Variants in TYW1B observed in about 807,000 individuals in gnomAD.
The protein encoded by TYW1B is tRNA-yW synthesizing protein 1 homolog B.
Under a neutral mutation model 86.9 loss-of-function variants are expected in TYW1B, and 73 were observed. The observed-to-expected ratio is 0.84, with a 90% CI of 0.70 to 1.02. The LOEUF is 1.02. Among genes scored for constraint, TYW1B ranks in the 50% least tolerant of loss-of-function variants. TYW1B has a pLI of 0.00. For missense variants in TYW1B, 637 were observed against 827.4 expected, an observed-to-expected ratio of 0.77 and a Z score of 2.82; for synonymous variants, 248 against 292.8, an observed-to-expected ratio of 0.85 and a Z score of 1.56.
rs544129182 is a variant in TYW1B at position 72,746,925 on chromosome 7, G to A, written c.965-2324C>T. Among the ~76,000 whole-genome samples the A allele has an allele frequency of 2.1e-3, 316 of 152,296 alleles. 20 individuals are homozygous for A. In the South Asian group the frequency reaches 0.063, roughly 30 times the overall value. On this transcript the variant is annotated intron_variant, in intron 7 of 13. Coordinates refer to ENST00000620995, the MANE Select transcript of TYW1B (RefSeq NM_001145440.3). ...GTTTTAAAAAATGATGTCTCCAAAT[G>A]TTTAAGTCTGTGATCCATTTTGAAT... is the stretch of plus-strand genomic sequence containing the variant.
chr7:72,775,902 TAATTA>T lies in TYW1B; in HGVS notation c.964+1509_964+1513del, dbSNP rs1462678040. On this transcript the variant is annotated intron_variant, in intron 7 of 13. Coordinates refer to ENST00000620995, the MANE Select transcript of TYW1B (RefSeq NM_001145440.3). ...TCTAAGTATATAAATCTTTAGTACA[TAATTA>T]AATAGATGTTTTGATTGAGTTAGAT... Among the ~76,000 whole-genome samples the T allele has an allele frequency of 3.9e-5, 6 of 152,162 alleles. 1 individual carries two copies. The East Asian group carries it at 1.2e-3, about 29-fold the overall frequency.
chr7:72,695,461 C>T (rs183110057), intron 10 of TYW1B, among the ~76,000 whole-genome samples: 2 of 152,276 alleles, frequency 1.3e-5, no homozygotes, highest in African/African-American at 4.8e-5. Context: ...AAAATGAATT[C>T]TTATTTTCCT....
chr7:72,773,240 C>T (rs1787897242), intron 7 of TYW1B, among the ~76,000 whole-genome samples: 1 of 152,122 alleles, frequency 6.6e-6, no homozygotes, highest in Non-Finnish European at 1.5e-5. Flanking sequence ...AAATATAAGC[C>T]AACAGTGTAC....
chr7:72,619,412 C>A (rs1441907609), intron 12 of TYW1B, among the ~76,000 whole-genome samples: 1 of 151,874 alleles, frequency 6.6e-6, no homozygotes, highest in Non-Finnish European at 1.5e-5. Flanking sequence ...GAGGCCGAGG[C>A]GGGTGGATCA....
rs190208067 is a variant in TYW1B, at chr7:72,574,835, G to A, written c.*663C>T. The A allele has an allele frequency of 7.2e-5, 71 of 985,422 alleles. No homozygotes were observed. In the East Asian group the frequency reaches 4.4e-3, roughly 61 times the overall value. 61.0% of individuals were successfully genotyped at this position (985,422 alleles called of 1,614,324 possible). ...CTCTTACAGCAGACAGCTTCACTCCGCTCCAGCCCCGGTACTGCGGTCTGT... is the reference window on the plus strand; with the variant it reads ...CTCTTACAGCAGACAGCTTCACTCCACTCCAGCCCCGGTACTGCGGTCTGT... On this transcript the variant is annotated 3_prime_UTR_variant, in exon 14 of 14. Coordinates refer to ENST00000620995, the MANE Select transcript of TYW1B (RefSeq NM_001145440.3).
intron 9 of TYW1B, 136 bp downstream of exon 9, chr7:72,728,686 T>G: frequency 1.2e-6 from 1 of 835,886 alleles, no homozygotes; most frequent in Non-Finnish European, 1.8e-6. Flanking sequence ...TATATAATAT[T>G]CCTACGAAGT....
chr7:72,793,858 T>C (rs1554474017), intron 6 of TYW1B, among the ~76,000 whole-genome samples: 2 of 151,874 alleles, frequency 1.3e-5, no homozygotes, highest in African/African-American at 4.8e-5. Context: ...AGAATGTTGG[T>C]AAGGTACTTT....
intron 12 of TYW1B, among the ~76,000 whole-genome samples, chr7:72,619,469 G>A (rs1351702333): frequency 6.6e-6 from 1 of 151,384 alleles, no homozygotes. Flanking sequence ...GTGAAACCCC[G>A]TCTCTACTAA....
chr7:72,615,855 C>T (rs1812059592), intron 13 of TYW1B, among the ~76,000 whole-genome samples: 1 of 151,702 alleles, frequency 6.6e-6, no homozygotes, highest in African/African-American at 2.4e-5. Flanking sequence ...TGAAGCAAGA[C>T]TTAGTGAACT....
intron 2 of TYW1B, among the ~76,000 whole-genome samples, chr7:72,820,389 C>T (rs1788806550): frequency 1.3e-5 from 2 of 152,154 alleles, no homozygotes; most frequent in Admixed American, 1.3e-4. Context: ...GAATTTATTA[C>T]AACCAGACCT....
intron 13 of TYW1B, among the ~76,000 whole-genome samples, chr7:72,591,017 A>C (rs1188463171): frequency 6.6e-6 from 1 of 152,226 alleles, no homozygotes; most frequent in East Asian, 1.9e-4. Flanking sequence ...AACCAAAAAG[A>C]AATTCTGGAA....
chr7:72,700,155 C>CTTTTTTTT lies in TYW1B; in HGVS notation c.1371-5341_1371-5334dup, dbSNP rs587689485. Among the ~76,000 whole-genome samples, 29 of 74,252 alleles carry CTTTTTTTT rather than the reference C, an allele frequency of 3.9e-4. 1 individual carries two copies. Among genetic ancestry groups the CTTTTTTTT allele is most frequent in the East Asian group, 1.3e-3 (2 of 1,586 alleles). The allele number at this position is 74,252 out of a possible 152,430, so 48.7% of individuals were successfully genotyped here. A position where few individuals can be genotyped will look rare whatever the true frequency, so the allele number is the denominator to read the frequency against. On this transcript the variant is annotated intron_variant, in intron 10 of 13. Coordinates refer to ENST00000620995, the MANE Select transcript of TYW1B (RefSeq NM_001145440.3). ...TATCAATACATAAAGAGCTTTTACA[C>CTTTTTTTT]TTTTTTTTTTTTTTTTTTTTTTTTT...
chr7:72,755,185 AGGCAGGT>A (rs1787565061), intron 7 of TYW1B, among the ~76,000 whole-genome samples: 1 of 152,228 alleles, frequency 6.6e-6, no homozygotes. Context: ...AGAGAGGCCA[AGGCAGGT>A]GGATCACTTG....
chr7:72,745,204 TG>T (rs1277305715), intron 7 of TYW1B, among the ~76,000 whole-genome samples: 1 of 152,050 alleles, frequency 6.6e-6, no homozygotes, highest in Non-Finnish European at 1.5e-5. Context: ...TTTAATTTTT[TG>T]TAGAGATGAG....
intron 11 of TYW1B, among the ~76,000 whole-genome samples, chr7:72,657,874 T>C (rs1215661082): frequency 6.6e-6 from 1 of 152,184 alleles, no homozygotes; most frequent in East Asian, 1.9e-4. Flanking sequence ...TCTACCATCA[T>C]AAAACTGTTC....
chr7:72,758,282 C>T (rs1787627141), intron 7 of TYW1B, among the ~76,000 whole-genome samples: 2 of 152,100 alleles, frequency 1.3e-5, no homozygotes, highest in South Asian at 2.1e-4. Context: ...GGGGACAAGG[C>T]AGGAGGATCA....
intron 8 of TYW1B, 68 bp downstream of exon 8, chr7:72,744,416 G>C (rs538266643): frequency 1.4e-6 from 2 of 1,450,856 alleles, no homozygotes; most frequent in Non-Finnish European, 1.9e-6. Flanking sequence ...GTCTGAGTGT[G>C]AGCTGGGCAG....
chr7:72,827,844 A>G (rs551244622), intron 1 of TYW1B, among the ~76,000 whole-genome samples: 1 of 152,332 alleles, frequency 6.6e-6, no homozygotes, highest in South Asian at 2.1e-4. Flanking sequence ...ACACGTGGGT[A>G]AAGTGGGAGG....
chr7:72,625,088 T>C lies in TYW1B; in HGVS notation c.1617+3799A>G, dbSNP rs548738441. ...AAAAAAAAAAAAATTTAATTGTGGTTATACATTTCTCCAAGAGTTTTCAAT... is the reference window on the plus strand; with the variant it reads ...AAAAAAAAAAAAATTTAATTGTGGTCATACATTTCTCCAAGAGTTTTCAAT... On this transcript the variant is annotated intron_variant, in intron 12 of 13. Coordinates refer to ENST00000620995, the MANE Select transcript of TYW1B (RefSeq NM_001145440.3). 2.1e-3 allele frequency among the ~76,000 whole-genome samples: 326 copies of C among 152,076 alleles called. 4 individuals are homozygous for C. The highest frequency in any genetic ancestry group is 7.2e-3 in the African/African-American group (300 of 41,458).
Sources: gnomAD v4.1 joint callset for allele counts (sites outside exome capture counted in the v4.1 genomes callset) on GRCh38, gnomAD v4.1.1 for gene constraint, MANE v1.5 for transcripts, NCBI Gene and HGNC (gene_info 2026-07-23, HGNC 2026-07-21) for gene names.